Variants in SPPL3 observed in about 807,000 individuals in gnomAD.
The protein encoded by SPPL3 is signal peptide peptidase-like 3.
SPPL3 carries 5 observed loss-of-function variants against 42.4 expected under a neutral mutation model. The ratio of observed to expected loss-of-function variants is 0.12; its 90% CI spans 0.06 to 0.25. SPPL3 has a LOEUF of 0.25. Among genes scored for constraint, SPPL3 ranks in the 10% least tolerant of loss-of-function variants. SPPL3 has a pLI of 1.00. For missense variants in SPPL3, 235 were observed against 489.0 expected (o/e 0.48, Z 4.90); for synonymous variants, 195 against 181.8 (o/e 1.07, Z -0.58).
chr12:120,810,673 G>C, intron 2 of SPPL3, 136 bp downstream of exon 2: 1 of 686,516 alleles, frequency 1.5e-6, no homozygotes, highest in South Asian at 1.8e-5. Context: ...ACAAATAGCA[G>C]AACTCTCTAT....
At chr12:120,810,150 A>G (rs1462769290) in intron 2 of SPPL3, among the ~76,000 whole-genome samples, 1 of 151,952 alleles carries the variant, frequency 6.6e-6, no homozygotes, top group Non-Finnish European at 1.5e-5. Flanking sequence ...AACTTCTTTA[A>G]AAAATATTTT....
At position 120,767,612 on chromosome 12, in the gene SPPL3, GGTTA is replaced by G. The variant is rs375892744; in HGVS notation, c.774-23_774-20del. On this transcript the variant is annotated intron_variant, in intron 8 of 10. Coordinates refer to ENST00000353487, the MANE Select transcript of SPPL3 (RefSeq NM_139015.5). ...AGTGGAGCTGGAATGCAGTTTCACA[GGTTA>G]GTGACGTCACACTCTACAATCCAGT... The G allele has an allele frequency of 1.1e-5, 18 of 1,612,892 alleles. No homozygotes were observed. The African/African-American group carries it at 2.0e-4, about 18-fold the overall frequency.
At chr12:120,834,831 T>C (rs544758747) in intron 1 of SPPL3, among the ~76,000 whole-genome samples, 6 of 152,318 alleles carry the variant, frequency 3.9e-5, no homozygotes, top group African/African-American at 1.4e-4. Context: ...GTGCCAAAAC[T>C]ATACAATAAT....
At chr12:120,843,374 T>C (rs184834216) in intron 1 of SPPL3, among the ~76,000 whole-genome samples, 1 of 152,214 alleles carries the variant, frequency 6.6e-6, no homozygotes, top group Non-Finnish European at 1.5e-5. Context: ...TCTACTCTAC[T>C]GAGAATGTGC....
chr12:120,790,560 G>A (rs1378767715), intron 3 of SPPL3, among the ~76,000 whole-genome samples: 1 of 152,174 alleles, frequency 6.6e-6, no homozygotes, highest in Non-Finnish European at 1.5e-5. Context: ...AACCTGAAAT[G>A]ACGACTTCTC....
intron 1 of SPPL3, among the ~76,000 whole-genome samples, chr12:120,854,964 C>T (rs967088041): frequency 6.6e-6 from 1 of 152,150 alleles, no homozygotes; most frequent in Admixed American, 6.5e-5. Flanking sequence ...ATAGCACCTG[C>T]ATGTAACTGT....
intron 1 of SPPL3, among the ~76,000 whole-genome samples, chr12:120,835,968 G>A (rs1871606588): frequency 6.6e-6 from 1 of 152,138 alleles, no homozygotes; most frequent in Non-Finnish European, 1.5e-5. Context: ...AGAAAACTAT[G>A]TAACCATATC....
At chr12:120,785,349 C>T (rs1869686547) in intron 3 of SPPL3, among the ~76,000 whole-genome samples, 1 of 151,994 alleles carries the variant, frequency 6.6e-6, no homozygotes, top group Non-Finnish European at 1.5e-5. Flanking sequence ...TAGGATTTAG[C>T]GCAAGGGTTC....
intron 1 of SPPL3, among the ~76,000 whole-genome samples, chr12:120,899,554 T>C (rs1427536635): frequency 1.3e-5 from 2 of 151,948 alleles, no homozygotes; most frequent in South Asian, 4.1e-4. Flanking sequence ...GGCATTTACA[T>C]GAGATAAGGA....
At chr12:120,886,213 T>C (rs1030639821) in intron 1 of SPPL3, among the ~76,000 whole-genome samples, 1 of 151,990 alleles carries the variant, frequency 6.6e-6, no homozygotes, top group Non-Finnish European at 1.5e-5. Context: ...GGAGACACAA[T>C]CTATACAACA....
chr12:120,851,652 G>C (rs1056663249), intron 1 of SPPL3, among the ~76,000 whole-genome samples: 1 of 152,236 alleles, frequency 6.6e-6, no homozygotes, highest in African/African-American at 2.4e-5. Flanking sequence ...CACCCAGGCA[G>C]GAGTGCAGTG....
At chr12:120,856,926 G>A (rs930408975) in intron 1 of SPPL3, among the ~76,000 whole-genome samples, 1 of 152,170 alleles carries the variant, frequency 6.6e-6, no homozygotes, top group Non-Finnish European at 1.5e-5. Context: ...AAGGAGCTCT[G>A]TACATTCCAA....
At chr12:120,902,900 CA>C (rs1194747693) in intron 1 of SPPL3, among the ~76,000 whole-genome samples, 3 of 152,170 alleles carry the variant, frequency 2.0e-5, no homozygotes, top group Non-Finnish European at 4.4e-5. Flanking sequence ...ACCCGTCCTG[CA>C]AATATCCCAC....
At chr12:120,770,550 C>T (rs1202864382) in intron 6 of SPPL3, among the ~76,000 whole-genome samples, 1 of 152,158 alleles carries the variant, frequency 6.6e-6, no homozygotes, top group Non-Finnish European at 1.5e-5. Flanking sequence ...ACACAGTAAT[C>T]GACCTGTCCT....
intron 1 of SPPL3, among the ~76,000 whole-genome samples, chr12:120,855,441 A>G (rs1015840676): frequency 2.2e-4 from 33 of 152,266 alleles, no homozygotes; most frequent in African/African-American, 7.9e-4. Context: ...TAATCCTAGC[A>G]CTTTGGGAGG....
intron 2 of SPPL3, among the ~76,000 whole-genome samples, chr12:120,806,194 T>C (rs907723507): frequency 3.5e-5 from 4 of 115,188 alleles, no homozygotes; most frequent in African/African-American, 1.3e-4. Flanking sequence ...ACTTTTATGG[T>C]CGATTTTTTT....
chr12:120,838,145 G>A (rs541432185), intron 1 of SPPL3, among the ~76,000 whole-genome samples: 1 of 152,238 alleles, frequency 6.6e-6, no homozygotes, highest in African/African-American at 2.4e-5. Context: ...CCAAAACAAG[G>A]AAGAATAAAA....
chr12:120,894,712 G>A lies in SPPL3; in HGVS notation c.23+9133C>T, dbSNP rs184377744. Among the ~76,000 whole-genome samples the A allele has an allele frequency of 1.9e-3, 296 of 152,264 alleles. 1 individual carries two copies. Among genetic ancestry groups the A allele is most frequent in the African/African-American group, 6.8e-3 (284 of 41,554 alleles). On this transcript the variant is annotated intron_variant, in intron 1 of 10. Transcript: ENST00000353487. ...TGTAATCCCAGCACTTTGGGAGGCC[G>A]AGGCGGGTGGATCACCTGAGGTCGG...
chr12:120,800,634 T>C (rs367814286), intron 2 of SPPL3, among the ~76,000 whole-genome samples: 39 of 152,330 alleles, frequency 2.6e-4, no homozygotes, highest in Admixed American at 7.8e-4. Context: ...ATCTAAATTA[T>C]AGCATATTAT....
Sources: allele counts gnomAD v4.1 joint callset (sites outside exome capture counted in the v4.1 genomes callset), GRCh38; gene constraint gnomAD v4.1.1; transcripts MANE v1.5; gene names NCBI Gene and HGNC (gene_info 2026-07-23, HGNC 2026-07-21).